The following RPH3A variants were observed in gnomAD, a reference collection of about 807,000 sequenced individuals.
RPH3A encodes rabphilin 3A.
Under a neutral mutation model 102.2 loss-of-function variants are expected in RPH3A, and 48 were observed. The ratio of observed to expected loss-of-function variants is 0.47; its 90% confidence interval spans 0.37 to 0.60. The LOEUF (loss-of-function observed/expected upper bound fraction) is 0.60, where lower values mean the gene tolerates loss of function less well. Among genes scored for constraint, RPH3A ranks in the 20% least tolerant of loss-of-function variants. The probability of loss-of-function intolerance (pLI) is 0.00; values close to 1 mark genes in which losing one functional copy is unlikely to be tolerated. For missense variants in RPH3A, 781 were observed against 910.1 expected (o/e 0.86, Z 1.83); for synonymous variants, 310 against 324.3 (o/e 0.96, Z 0.47).
At chr12:112,591,143 G>GGTCTTGCTGTGTTGCCCAGGCTGGC (rs2039475025) in intron 1 of RPH3A, among the ~76,000 whole-genome samples, 1 of 151,590 alleles carries the variant, frequency 6.6e-6, no homozygotes, top group Non-Finnish European at 1.5e-5. Context: ...ATAGAGATGG[G>GGTCTTGCTGTGTTGCCCAGGCTGGC]GTCTTGCTGT....
intron 1 of RPH3A, among the ~76,000 whole-genome samples, chr12:112,639,534 C>T (rs12812721): frequency 6.6e-6 from 1 of 152,126 alleles, no homozygotes; most frequent in Non-Finnish European, 1.5e-5. Context: ...GGAAGAATAG[C>T]TAATGGATCC....
chr12:112,820,949 T>C (rs2041767009), intron 2 of RPH3A, among the ~76,000 whole-genome samples: 1 of 152,210 alleles, frequency 6.6e-6, no homozygotes, highest in African/African-American at 2.4e-5. Context: ...TCTCTGTCAT[T>C]GTCTCTGGCA....
chr12:112,870,171 A>G, intron 10 of RPH3A, 132 bp downstream of exon 10: 1 of 879,750 alleles, frequency 1.1e-6, no homozygotes, highest in South Asian at 2.3e-5. Context: ...GTTCTATTCC[A>G]GATACTGGTT....
At chr12:112,653,188 C>T (rs111854034) in intron 1 of RPH3A, among the ~76,000 whole-genome samples, 1,991 of 151,880 alleles carry the variant, frequency 0.013, 59 homozygotes, top group African/African-American at 0.046. Context: ...GTCAGGAGTT[C>T]GAGACCAGCC....
At chr12:112,852,129 T>C (rs1006001481) in intron 5 of RPH3A, among the ~76,000 whole-genome samples, 2 of 152,156 alleles carry the variant, frequency 1.3e-5, no homozygotes, top group Non-Finnish European at 2.9e-5. Context: ...GCAAGAAAGC[T>C]TTACTCCCCC....
At chr12:112,659,228 G>A (rs1022047001) in intron 1 of RPH3A, among the ~76,000 whole-genome samples, 5 of 152,104 alleles carry the variant, frequency 3.3e-5, no homozygotes, top group South Asian at 2.1e-4. Flanking sequence ...AATGCATCAC[G>A]ACCATCTAGC....
At chr12:112,679,927 G>A (rs1427346053) in intron 1 of RPH3A, among the ~76,000 whole-genome samples, 1 of 152,276 alleles carries the variant, frequency 6.6e-6, no homozygotes, top group Non-Finnish European at 1.5e-5. Context: ...CAGACTGACA[G>A]TGAGTGGCCG....
In RPH3A at chr12:112,836,386, A is replaced by G. The variant is rs528221232; in HGVS notation, c.72-105A>G. 5.7e-4 allele frequency: 315 copies of G among 555,758 alleles called. 3 individuals carry two copies. The Middle Eastern group carries it at 0.025, about 43-fold the overall frequency. The allele number at this position is 555,758 out of a possible 1,614,324, so 34.4% of individuals were successfully genotyped here. On this transcript the variant is annotated intron_variant, in intron 3 of 21. Coordinates refer to ENST00000389385, the MANE Select transcript of RPH3A (RefSeq NM_001143854.2). The stretch of plus-strand genomic sequence containing the variant: ...AACAAAATGGAAGTAGGTCATCATA[A>G]TTCAAGCTACGTGAGTGTTGCATCC...
intron 5 of RPH3A, among the ~76,000 whole-genome samples, chr12:112,856,486 G>C (rs1227097897): frequency 1.0e-4 from 1 of 9,830 alleles, no homozygotes; most frequent in Non-Finnish European, 1.8e-4. Flanking sequence ...ACATGTGCAT[G>C]TGTGTGTGTG....
chr12:112,584,058 T>C (rs2039421024), intron 1 of RPH3A, among the ~76,000 whole-genome samples: 1 of 152,148 alleles, frequency 6.6e-6, no homozygotes, highest in Non-Finnish European at 1.5e-5. Context: ...CTCTTAAGAT[T>C]CTCTGATTGA....
chr12:112,888,392 G>C (rs2043038769), intron 17 of RPH3A, among the ~76,000 whole-genome samples: 1 of 152,244 alleles, frequency 6.6e-6, no homozygotes, highest in Admixed American at 6.5e-5. Flanking sequence ...ACAGTTGTTA[G>C]TGTAGGAAAT....
chr12:112,700,720 G>T (rs1037232537), intron 1 of RPH3A, among the ~76,000 whole-genome samples: 2 of 152,130 alleles, frequency 1.3e-5, no homozygotes, highest in Non-Finnish European at 2.9e-5. Flanking sequence ...TTTCATTTCA[G>T]CAGATTCTCT....
chr12:112,896,803 C>T lies in RPH3A; in HGVS notation c.*23C>T, dbSNP rs1340804181. Reference sequence around the variant, plus strand: ...TAGGCTAGTGCCCAGGTCCCCATCTCCATGTCCCGGGTCCCCCCCAGCCTG... The same window carrying T: ...TAGGCTAGTGCCCAGGTCCCCATCTTCATGTCCCGGGTCCCCCCCAGCCTG... On this transcript the variant is annotated 3_prime_UTR_variant, in exon 22 of 22. Transcript: ENST00000389385. 1 of 1,612,954 alleles carries T rather than the reference C, an allele frequency of 6.2e-7. No homozygotes were observed. The highest frequency in any genetic ancestry group is 2.2e-5 in the East Asian group (1 of 44,884).
rs370845197 is a variant in RPH3A at position 112,852,945 on chromosome 12, G to A, written c.230+5103G>A. ...ACTGGCAGTTGGGTGGCTTCCATTC[G>A]AGGTCAGCTTCCCTAAACAGATGGG... is the stretch of plus-strand genomic sequence containing the variant. On this transcript the variant is annotated intron_variant, in intron 5 of 21. Coordinates refer to ENST00000389385, the MANE Select transcript of RPH3A (RefSeq NM_001143854.2). Among the ~76,000 whole-genome samples the A allele has an allele frequency of 6.6e-4, 101 of 152,210 alleles. 1 individual carries two copies. Among genetic ancestry groups the A allele is most frequent in the South Asian group, 2.3e-3 (11 of 4,820 alleles).
intron 1 of RPH3A, among the ~76,000 whole-genome samples, chr12:112,731,188 G>GGT (rs3839972): frequency 0.56 from 84,013 of 149,710 alleles, 23,525 homozygotes; most frequent in East Asian, 0.78. Flanking sequence ...TTCATTTGAT[G>GGT]GTGTGTGTGT....
intron 2 of RPH3A, among the ~76,000 whole-genome samples, chr12:112,819,504 C>A (rs1191723304): frequency 6.6e-6 from 1 of 152,218 alleles, no homozygotes; most frequent in Non-Finnish European, 1.5e-5. Flanking sequence ...TCCCAGTGCT[C>A]TGGGTCTGAA....
intron 1 of RPH3A, among the ~76,000 whole-genome samples, chr12:112,758,343 T>C (rs2040834469): frequency 6.6e-6 from 1 of 152,222 alleles, no homozygotes; most frequent in African/African-American, 2.4e-5. Flanking sequence ...ACAGTGTCAG[T>C]CCAGAATGCT....
At chr12:112,637,604 A>C (rs778835518) in intron 1 of RPH3A, among the ~76,000 whole-genome samples, 1 of 152,212 alleles carries the variant, frequency 6.6e-6, no homozygotes, top group South Asian at 2.1e-4. Context: ...TATTATGCTA[A>C]TAGGAATAAA....
chr12:112,593,224 G>A lies in RPH3A; in HGVS notation c.-140+17905G>A, dbSNP rs562083613. Among the ~76,000 whole-genome samples, 42 of 152,254 alleles carry A rather than the reference G, an allele frequency of 2.8e-4. No individual in the cohort carries two copies. The Middle Eastern group carries it at 0.014, about 49-fold the overall frequency. On this transcript the variant is annotated intron_variant, in intron 1 of 21. Coordinates refer to the RPH3A transcript ENST00000543106. ...GTAAACCAGAAAGGGGATGCTCACCGGAACCCAATCTGCTGGTACCTTGAT... is the reference window on the plus strand; with the variant it reads ...GTAAACCAGAAAGGGGATGCTCACCAGAACCCAATCTGCTGGTACCTTGAT...
Sources: allele counts gnomAD v4.1 joint callset (sites outside exome capture counted in the v4.1 genomes callset), GRCh38; gene constraint gnomAD v4.1.1; transcripts MANE v1.5; gene names NCBI Gene and HGNC (gene_info 2026-07-23, HGNC 2026-07-21).